Variants in DPYD observed in about 807,000 individuals in gnomAD.
The protein encoded by DPYD is dihydropyrimidine dehydrogenase.
DPYD carries 109 observed loss-of-function variants against 116.2 expected under a neutral mutation model. The observed-to-expected ratio is 0.94, with a 90% CI of 0.80 to 1.10. The LOEUF (loss-of-function observed/expected upper bound fraction) is 1.10. DPYD is among the 50% of genes least tolerant of loss of function. The probability of loss-of-function intolerance (pLI) is 0.00; values close to 1 mark genes in which losing one functional copy is unlikely to be tolerated. For synonymous variants in DPYD, 440 were observed against 432.0 expected, an observed-to-expected ratio of 1.02 and a Z score of -0.23; for missense variants, 1,302 against 1,254.5, an observed-to-expected ratio of 1.04 and a Z score of -0.57.
intron 18 of DPYD, among the ~76,000 whole-genome samples, chr1:97,269,105 C>T (rs577452229): frequency 8.5e-5 from 13 of 152,140 alleles, no homozygotes; most frequent in Non-Finnish European, 1.6e-4. Flanking sequence ...TTCTTAAGTT[C>T]TGTCTTCCAC....
chr1:97,802,874 T>G (rs1157579417), intron 3 of DPYD, among the ~76,000 whole-genome samples: 3 of 151,906 alleles, frequency 2.0e-5, no homozygotes, highest in Non-Finnish European at 4.4e-5. Flanking sequence ...TTGTGATGTT[T>G]GCTGTTCGTT....
chr1:97,625,848 C>T (rs1315806288), intron 8 of DPYD, among the ~76,000 whole-genome samples: 2 of 151,928 alleles, frequency 1.3e-5, no homozygotes, highest in Admixed American at 6.6e-5. Context: ...CAATCTAATA[C>T]GATGATAAAA....
intron 3 of DPYD, among the ~76,000 whole-genome samples, chr1:97,811,481 T>C (rs375681399): frequency 3.3e-5 from 5 of 152,126 alleles, no homozygotes; most frequent in African/African-American, 4.8e-5. Flanking sequence ...CCCTTAGATA[T>C]AAATGCTAGT....
At chr1:97,799,495 G>A (rs1237260056) in intron 3 of DPYD, among the ~76,000 whole-genome samples, 1 of 151,806 alleles carries the variant, frequency 6.6e-6, no homozygotes, top group Non-Finnish European at 1.5e-5. Flanking sequence ...CTCCATGCTA[G>A]TTATCTGAAA....
At chr1:97,563,160 C>T (rs1402453535) in intron 11 of DPYD, among the ~76,000 whole-genome samples, 1 of 152,146 alleles carries the variant, frequency 6.6e-6, no homozygotes, top group East Asian at 1.9e-4. Context: ...AAGAACCTTA[C>T]TATACTCTAT....
chr1:97,227,351 AAAAAAAGAAAGAAAG>A (rs1175387050), intron 19 of DPYD, among the ~76,000 whole-genome samples: 5 of 66,390 alleles, frequency 7.5e-5, no homozygotes, highest in Admixed American at 4.1e-4. Context: ...AAAAAAAAAA[AAAAAAAGAAAGAAAG>A]AAAAAAGAAA....
intron 16 of DPYD, among the ~76,000 whole-genome samples, chr1:97,368,608 G>A (rs1671162021): frequency 6.6e-6 from 1 of 152,086 alleles, no homozygotes; most frequent in Admixed American, 6.6e-5. Context: ...TCTTTTGATA[G>A]CTGATGGAAG....
chr1:97,833,331 C>T (rs961712562), intron 2 of DPYD, among the ~76,000 whole-genome samples: 4 of 151,880 alleles, frequency 2.6e-5, no homozygotes, highest in African/African-American at 9.7e-5. Flanking sequence ...ATACTATGCA[C>T]AGGGATATGA....
chr1:97,663,437 T>C (rs567050802), intron 8 of DPYD, among the ~76,000 whole-genome samples: 1 of 152,328 alleles, frequency 6.6e-6, no homozygotes, highest in East Asian at 1.9e-4. Context: ...ATCTAATCAG[T>C]AACCAAGACT....
intron 20 of DPYD, among the ~76,000 whole-genome samples, chr1:97,167,823 AT>A (rs1432549178): frequency 6.6e-6 from 1 of 152,178 alleles, no homozygotes; most frequent in African/African-American, 2.4e-5. Context: ...ATAAAGGTAT[AT>A]TATAGCCTAG....
At chr1:97,575,687 C>T (rs539491987) in intron 10 of DPYD, among the ~76,000 whole-genome samples, 143 of 152,232 alleles carry the variant, frequency 9.4e-4, no homozygotes, top group African/African-American at 2.2e-3. Context: ...TAAAACTGCT[C>T]ACTCCTCAGA....
chr1:97,196,168 T>C (rs1204892276), intron 19 of DPYD, among the ~76,000 whole-genome samples: 1 of 152,106 alleles, frequency 6.6e-6, no homozygotes, highest in Non-Finnish European at 1.5e-5. Flanking sequence ...GGCACAATCA[T>C]AGCTCAGTGT....
At chr1:97,301,365 ATTTCC>A (rs1338344630) in intron 18 of DPYD, among the ~76,000 whole-genome samples, 1 of 152,058 alleles carries the variant, frequency 6.6e-6, no homozygotes, top group Non-Finnish European at 1.5e-5. Context: ...AAGAACAAGA[ATTTCC>A]TTTCCTTTGG....
chr1:97,837,230 T>A (rs1050320267), intron 2 of DPYD, among the ~76,000 whole-genome samples: 2 of 152,152 alleles, frequency 1.3e-5, no homozygotes, highest in African/African-American at 4.8e-5. Context: ...TCCTCTTTAA[T>A]TAGATTCCAC....
At chr1:97,397,338 T>C (rs1211034387) in intron 14 of DPYD, among the ~76,000 whole-genome samples, 1 of 152,064 alleles carries the variant, frequency 6.6e-6, no homozygotes, top group Non-Finnish European at 1.5e-5. Context: ...GTATGTCTTA[T>C]ATGTATATGA....
intron 20 of DPYD, among the ~76,000 whole-genome samples, chr1:97,147,616 T>C (rs1449921557): frequency 6.6e-6 from 1 of 152,204 alleles, no homozygotes; most frequent in Non-Finnish European, 1.5e-5. Flanking sequence ...AACCAGGATA[T>C]TGATATTTGA....
At chr1:97,341,810 C>G (rs1202924039) in intron 16 of DPYD, among the ~76,000 whole-genome samples, 1 of 152,134 alleles carries the variant, frequency 6.6e-6, no homozygotes, top group African/African-American at 2.4e-5. Context: ...CTAGAGAAAG[C>G]CTAACTGTTT....
chr1:97,760,210 A>C (rs1318708898), intron 3 of DPYD, among the ~76,000 whole-genome samples: 1 of 152,018 alleles, frequency 6.6e-6, no homozygotes, highest in Non-Finnish European at 1.5e-5. Flanking sequence ...CTGTATTGGA[A>C]CTCAGTTTTA....
intron 16 of DPYD, among the ~76,000 whole-genome samples, chr1:97,334,728 A>G (rs1299043199): frequency 6.6e-6 from 1 of 152,216 alleles, no homozygotes; most frequent in Non-Finnish European, 1.5e-5. Context: ...GAGCTCAATA[A>G]ATTATAATTA....
Sources: gnomAD v4.1 joint callset for allele counts (sites outside exome capture counted in the v4.1 genomes callset) on GRCh38, gnomAD v4.1.1 for gene constraint, MANE v1.5 for transcripts, NCBI Gene and HGNC (gene_info 2026-07-23, HGNC 2026-07-21) for gene names.